Variants in CPNE4 observed in about 807,000 individuals in gnomAD.
CPNE4 encodes copine-4.
Under a neutral mutation model 67.9 loss-of-function variants are expected in CPNE4, and 25 were observed. That is an observed-to-expected ratio of 0.37 (90% CI 0.27 to 0.51). CPNE4 has a LOEUF of 0.51. CPNE4 is among the 20% of genes least tolerant of loss of function. The probability of loss-of-function intolerance (pLI) is 0.93; values close to 1 mark genes in which losing one functional copy is unlikely to be tolerated. For synonymous variants in CPNE4, 242 were observed against 244.9 expected (o/e 0.99, Z 0.11); for missense variants, 464 against 690.8 (o/e 0.67, Z 3.68).
intron 7 of CPNE4, among the ~76,000 whole-genome samples, chr3:131,600,498 T>A (rs114257523): frequency 0.011 from 1,717 of 152,244 alleles, 43 homozygotes; most frequent in African/African-American, 0.039. Context: ...AAAATGCAGG[T>A]CTTTCCACCA....
chr3:131,737,115 C>CATTTTT (rs1188464902), intron 2 of CPNE4, among the ~76,000 whole-genome samples: 2 of 49,362 alleles, frequency 4.1e-5, no homozygotes, highest in African/African-American at 1.5e-4. Context: ...AGTATTGTGT[C>CATTTTT]TTTTTTTTTT....
intron 2 of CPNE4, among the ~76,000 whole-genome samples, chr3:131,874,145 G>A (rs1490666560): frequency 6.6e-6 from 1 of 150,832 alleles, no homozygotes; most frequent in South Asian, 2.1e-4. Context: ...CTGGAGTGCA[G>A]TGGCGCAATC....
intron 7 of CPNE4, among the ~76,000 whole-genome samples, chr3:131,662,162 G>A (rs2107643701): frequency 6.6e-6 from 1 of 152,266 alleles, no homozygotes; most frequent in East Asian, 1.9e-4. Flanking sequence ...TAGGGACCCA[G>A]GGGTTAAGAG....
In CPNE4 at chr3:132,032,078, A is replaced by G. The variant is rs2074247706; in HGVS notation, c.-2+2489T>C. Among the ~76,000 whole-genome samples the G allele has an allele frequency of 2.0e-5, 3 of 152,214 alleles. 1 individual carries two copies. The South Asian group carries it at 6.2e-4, about 31-fold the overall frequency. ...CCTCTAAAACCAGAGTCCCCTTAAG[A>G]CAAACCAATAATTCACCAAAATGTC... is the stretch of plus-strand genomic sequence containing the variant. On this transcript the variant is annotated intron_variant, in intron 1 of 15. Coordinates refer to ENST00000429747, the MANE Select transcript of CPNE4 (RefSeq NM_130808.3).
At position 131,674,991 on chromosome 3, in the gene CPNE4, G is replaced by A. The variant is rs556942832; in HGVS notation, c.592-5227C>T. Reference sequence around the variant, plus strand: ...AAGTACTGTTTTCATATATTCCATAGGTTTTGGTATGTTTTATTTTCATAT... The same window carrying A: ...AAGTACTGTTTTCATATATTCCATAAGTTTTGGTATGTTTTATTTTCATAT... On this transcript the variant is annotated intron_variant, in intron 6 of 15. Coordinates refer to ENST00000429747, the MANE Select transcript of CPNE4 (RefSeq NM_130808.3). Among the ~76,000 whole-genome samples, 9 of 151,928 alleles carry A rather than the reference G, an allele frequency of 5.9e-5. No individual in the cohort carries two copies. In the South Asian group the frequency reaches 1.9e-3, roughly 32 times the overall value.
At chr3:131,842,141 G>T (rs1441186799) in intron 2 of CPNE4, among the ~76,000 whole-genome samples, 3 of 152,246 alleles carry the variant, frequency 2.0e-5, no homozygotes, top group African/African-American at 7.2e-5. Flanking sequence ...ATGGCATCGT[G>T]AAGGAGAGGA....
intron 2 of CPNE4, among the ~76,000 whole-genome samples, chr3:131,890,732 T>A (rs2107740205): frequency 6.6e-6 from 1 of 152,258 alleles, no homozygotes; most frequent in Middle Eastern, 3.4e-3. Flanking sequence ...AAGAAAGTGT[T>A]GTATAAACAT....
chr3:131,819,618 C>T (rs1250679272), intron 2 of CPNE4, among the ~76,000 whole-genome samples: 1 of 152,086 alleles, frequency 6.6e-6, no homozygotes, highest in Non-Finnish European at 1.5e-5. Flanking sequence ...CAGTGTTAAA[C>T]ATCACAATCT....
intron 1 of CPNE4, among the ~76,000 whole-genome samples, chr3:132,025,603 C>A (rs1474958954): frequency 1.3e-5 from 2 of 152,202 alleles, no homozygotes; most frequent in Non-Finnish European, 1.5e-5. Context: ...CACAGCAAAC[C>A]ATTACCATTA....
At chr3:131,573,053 A>C (rs1937414531) in intron 10 of CPNE4, among the ~76,000 whole-genome samples, 2 of 152,160 alleles carry the variant, frequency 1.3e-5, no homozygotes, top group Non-Finnish European at 1.5e-5. Context: ...GAGAAAGCTG[A>C]CTTCATTTTG....
intron 13 of CPNE4, among the ~76,000 whole-genome samples, chr3:131,551,814 C>T (rs1582778396): frequency 6.6e-6 from 1 of 151,944 alleles, no homozygotes; most frequent in East Asian, 1.9e-4. Flanking sequence ...AAAAATCATT[C>T]TAGAACAAAA....
At chr3:131,804,844 C>T (rs900334506) in intron 2 of CPNE4, among the ~76,000 whole-genome samples, 4 of 152,198 alleles carry the variant, frequency 2.6e-5, no homozygotes, top group African/African-American at 7.2e-5. Context: ...TTGTCATCAG[C>T]GAGGCCTTAT....
chr3:131,977,973 C>A (rs111518007), intron 1 of CPNE4, among the ~76,000 whole-genome samples: 7,629 of 144,488 alleles, frequency 0.053, 246 homozygotes, highest in East Asian at 0.14. Flanking sequence ...AGAATAATAG[C>A]CTTTAATCTC....
intron 7 of CPNE4, among the ~76,000 whole-genome samples, chr3:131,623,950 T>A (rs1940604958): frequency 6.6e-6 from 1 of 152,216 alleles, no homozygotes; most frequent in African/African-American, 2.4e-5. Flanking sequence ...GGGTAAAACA[T>A]AAAGAGAGTA....
At chr3:131,602,431 T>C (rs1344003046) in intron 7 of CPNE4, among the ~76,000 whole-genome samples, 1 of 152,136 alleles carries the variant, frequency 6.6e-6, no homozygotes, top group Admixed American at 6.6e-5. Flanking sequence ...CAGGAGGAGA[T>C]GGAAGGGCAA....
chr3:131,902,110 T>C (rs1036848248), intron 2 of CPNE4, among the ~76,000 whole-genome samples: 2 of 152,128 alleles, frequency 1.3e-5, no homozygotes, highest in African/African-American at 4.8e-5. Context: ...CCTTACTGTA[T>C]ATTGTTAAGA....
chr3:131,717,940 T>TTCTC (rs2081772596), intron 3 of CPNE4, among the ~76,000 whole-genome samples: 1 of 148,988 alleles, frequency 6.7e-6, no homozygotes, highest in African/African-American at 2.5e-5. Context: ...CTTTCTTTCT[T>TTCTC]TCTTTTCTTT....
Position 131,708,995 on chromosome 3 carries a change from T to C in CPNE4, c.361-9015A>G, listed in dbSNP as rs184901443. Among the ~76,000 whole-genome samples the C allele has an allele frequency of 7.4e-3, 811 of 108,964 alleles. 15 individuals carry two copies. Among genetic ancestry groups the C allele is most frequent in the Non-Finnish European group, 0.011 (610 of 54,332 alleles). 71.5% of individuals were successfully genotyped at this position (108,964 alleles called of 152,430 possible). ...ATATATATATATATATATATATATA[T>C]ACATACACACATAATAATATAATAC... is the stretch of plus-strand genomic sequence containing the variant. On this transcript the variant is annotated intron_variant, in intron 3 of 15. Transcript: ENST00000429747.
chr3:131,993,158 C>A (rs2073208032), intron 1 of CPNE4, among the ~76,000 whole-genome samples: 2 of 135,430 alleles, frequency 1.5e-5, no homozygotes, highest in African/African-American at 4.9e-5. Context: ...CATTACCTTG[C>A]AATAAGGAGT....
Sources: allele counts gnomAD v4.1 joint callset (sites outside exome capture counted in the v4.1 genomes callset), GRCh38; gene constraint gnomAD v4.1.1; transcripts MANE v1.5; gene names NCBI Gene and HGNC (gene_info 2026-07-23, HGNC 2026-07-21).